The following LSG1 variants were observed in gnomAD, a reference collection of about 807,000 sequenced individuals.
The protein encoded by LSG1 is large subunit GTPase 1 homolog.
A neutral mutation model predicts 82.6 loss-of-function variants in LSG1; 55 were observed. The observed-to-expected ratio is 0.67, with a 90% CI of 0.54 to 0.83. The LOEUF is 0.83. Among genes scored for constraint, LSG1 ranks in the 40% least tolerant of loss-of-function variants. The pLI is 0.00. For synonymous variants in LSG1, 272 were observed against 282.5 expected, an observed-to-expected ratio of 0.96 and a Z score of 0.37; for missense variants, 809 against 807.9, an observed-to-expected ratio of 1.00 and a Z score of -0.02.
In LSG1 at chr3:194,666,660, A is replaced by T. The variant is rs779055924; in HGVS notation, c.227-88T>A. 6.1e-4 allele frequency: 669 copies of T among 1,090,772 alleles called. 1 individual carries two copies. The highest frequency in any genetic ancestry group is 8.2e-4 in the Non-Finnish European group (622 of 754,754). 67.6% of individuals were successfully genotyped at this position (1,090,772 alleles called of 1,614,324 possible). ...TACTGATAAACTGAGAAAACTAAAA[A>T]TGAGAGCCTAAGAGAACTTAAGATT... is the stretch of plus-strand genomic sequence containing the variant. On this transcript the variant is annotated intron_variant, in intron 2 of 13. Coordinates refer to ENST00000265245, the MANE Select transcript of LSG1 (RefSeq NM_018385.3).
chr3:194,662,039 C>T (rs755568504), intron 5 of LSG1, among the ~76,000 whole-genome samples: 10 of 152,202 alleles, frequency 6.6e-5, no homozygotes, highest in Non-Finnish European at 1.2e-4. Flanking sequence ...AGAGAAAGAA[C>T]AGCAGCAACC....
Position 194,659,148 on chromosome 3 carries a change from G to C in LSG1, c.583-15C>G. The C allele has an allele frequency of 6.2e-7, 1 of 1,600,664 alleles. No individual in the cohort carries two copies. Among genetic ancestry groups the C allele is most frequent in the South Asian group, 1.1e-5 (1 of 90,104 alleles). On this transcript the variant is annotated splice_polypyrimidine_tract_variant and intron_variant, in intron 6 of 13. Coordinates refer to ENST00000265245, the MANE Select transcript of LSG1 (RefSeq NM_018385.3). The stretch of plus-strand genomic sequence containing the variant: ...ACATAACATTCCTAAGCAAGACAAA[G>C]AGATTTAGAAAGACCTCTTCAAACA...
Position 194,666,267 on chromosome 3 carries a change from T to C in LSG1, c.370A>G (p.Thr124Ala). 3 of 1,614,160 alleles carry C rather than the reference T, an allele frequency of 1.9e-6. No homozygotes were observed. The highest frequency in any genetic ancestry group is 1.7e-6 in the Non-Finnish European group (2 of 1,180,028). The change falls in exon 4 of 14, where the codon ACC becomes GCC. Residue 124 changes from threonine (T) to alanine (A), a missense_variant. Transcript: ENST00000265245. Reference sequence around the variant, plus strand: ...TCTGCTTGTTTGAGTTCTTCTGGGGTAGTATTTTGGTTCCAGTTTGGTCTG... The same window carrying C: ...TCTGCTTGTTTGAGTTCTTCTGGGGCAGTATTTTGGTTCCAGTTTGGTCTG... ...PRRPNWNQNT[T>A]PEELKQAEKD...
intron 12 of LSG1, chr3:194,645,535 G>GACAGACAC (rs1718513900): frequency 2.9e-5 from 1 of 34,962 alleles, no homozygotes; most frequent in African/African-American, 9.6e-5. Flanking sequence ...CACACAGACA[G>GACAGACAC]ACACACACAC....
chr3:194,665,213 C>G (rs1288010914), intron 5 of LSG1, among the ~76,000 whole-genome samples: 1 of 152,224 alleles, frequency 6.6e-6, no homozygotes, highest in Non-Finnish European at 1.5e-5. Context: ...CTCCCCATAA[C>G]ATAGATGCTC....
At chr3:194,645,575 G>GACACACACACACACACACAC (rs57272537) in intron 12 of LSG1, among the ~76,000 whole-genome samples, 7 of 20,130 alleles carry the variant, frequency 3.5e-4, no homozygotes, top group Non-Finnish European at 6.4e-4. Flanking sequence ...CACACAGACA[G>GACACACACACACACACACAC]ACACACACAC....
At chr3:194,662,631 G>A (rs1004346443) in intron 5 of LSG1, among the ~76,000 whole-genome samples, 6 of 152,104 alleles carry the variant, frequency 3.9e-5, no homozygotes, top group East Asian at 1.9e-4. Context: ...GCGTGGTGGC[G>A]CGTGCCTGTA....
chr3:194,666,641 T>TA, intron 2 of LSG1, 69 bp from the exon 3 acceptor site: 1 of 1,343,866 alleles, frequency 7.4e-7, no homozygotes, highest in Non-Finnish European at 1.0e-6. Flanking sequence ...GTCATACTGA[T>TA]AAACTGAGAA....
At chr3:194,644,938 T>C (rs1418501422) in intron 12 of LSG1, 192 bp from the exon 13 acceptor site, 1 of 416,066 alleles carries the variant, frequency 2.4e-6, no homozygotes. Context: ...TCTAGAGACC[T>C]AGCTCTTCCC....
In LSG1 at chr3:194,652,830, G is replaced by A; in HGVS notation, c.1072C>T (p.His358Tyr). 6.2e-7 allele frequency: 1 copy of A among 1,614,138 alleles called. No homozygotes were observed. The highest frequency in any genetic ancestry group is 8.5e-7 in the Non-Finnish European group (1 of 1,180,028). The change falls in exon 8 of 14, where the codon CAC (histidine) becomes TAC (tyrosine). Residue 358 changes from histidine (H) to tyrosine (Y), a missense_variant. Coordinates refer to ENST00000265245, the MANE Select transcript of LSG1 (RefSeq NM_018385.3). ...TTGGATACCAGATGGCTAAAATTGT[G>A]TATCTGCCTCTTCTGTGGGGTTTTC... Reference protein sequence around the residue: ...SRKTPQKRQIHNFSHLVSKQE... With the variant: ...SRKTPQKRQIYNFSHLVSKQE...
chr3:194,670,114 CA>C lies in LSG1; in HGVS notation c.120del (p.Asn40LysfsTer14). ...TTAAGACGACCCCAATCATAGCCAT[CA>C]TTGAGTTCACTTGTGTGCAACTATG... The part of the protein sequence containing the change: ...TDSWLHTSEL[N>X]DGYDWGRLNL... On this transcript the variant is annotated frameshift_variant, in exon 2 of 14. Coordinates refer to ENST00000265245, the MANE Select transcript of LSG1 (RefSeq NM_018385.3). LOFTEE classifies it high-confidence loss of function. 1 of 1,607,780 alleles carries C rather than the reference CA, an allele frequency of 6.2e-7. No individual in the cohort carries two copies. Among genetic ancestry groups the C allele is most frequent in the Non-Finnish European group, 8.5e-7 (1 of 1,178,224 alleles).
rs1488536196 is a variant in LSG1, at chr3:194,652,772, T to C, written c.1130A>G (p.His377Arg). Residue 377 changes from histidine (H) to arginine (R), a missense_variant, in exon 8 of 14, where the codon CAC becomes CGC. Physicochemically the swap from His to Arg is conservative, Grantham distance 29 (BLOSUM62 0). Transcript: ENST00000265245. Reference sequence around the variant, plus strand: ...CCCATCTTTCACCTTTCTCCCAGTGTGTAGCTCCTTAAAGAGCTCCAGTAA... The same window carrying C: ...CCCATCTTTCACCTTTCTCCCAGTGCGTAGCTCCTTAAAGAGCTCCAGTAA... ...QELLELFKEL[H>R]TGRKVKDGQL... The C allele has an allele frequency of 1.2e-6, 2 of 1,614,196 alleles. No individual in the cohort carries two copies. Among genetic ancestry groups the C allele is most frequent in the Non-Finnish European group, 8.5e-7 (1 of 1,180,032 alleles).
At chr3:194,661,681 G>A (rs2108620454) in intron 5 of LSG1, among the ~76,000 whole-genome samples, 1 of 152,246 alleles carries the variant, frequency 6.6e-6, no homozygotes, top group East Asian at 1.9e-4. Flanking sequence ...GACATCTGCT[G>A]TGGAGAAGAC....
intron 13 of LSG1, among the ~76,000 whole-genome samples, chr3:194,642,937 T>C (rs1705903343): frequency 2.0e-5 from 3 of 152,224 alleles, no homozygotes; most frequent in Admixed American, 1.3e-4. Flanking sequence ...GGTAACTCAG[T>C]CTCTTTGAGC....
chr3:194,652,053 G>A (rs542333504), intron 8 of LSG1, among the ~76,000 whole-genome samples: 63 of 152,264 alleles, frequency 4.1e-4, no homozygotes, highest in African/African-American at 1.5e-3. Flanking sequence ...CTGAAAAGCT[G>A]GGAGACTTTA....
intron 11 of LSG1, among the ~76,000 whole-genome samples, chr3:194,647,390 T>C (rs1464007940): frequency 6.6e-6 from 1 of 152,238 alleles, no homozygotes; most frequent in Non-Finnish European, 1.5e-5. Flanking sequence ...GAAAATGTGA[T>C]TCCCAGAAGA....
chr3:194,656,237 T>G (rs1351446310), intron 7 of LSG1, among the ~76,000 whole-genome samples: 1 of 149,942 alleles, frequency 6.7e-6, no homozygotes, highest in Non-Finnish European at 1.5e-5. Flanking sequence ...GGAGAAAATT[T>G]TTGCAACCTA....
chr3:194,671,906 G>A (rs1719145367), intron 1 of LSG1, 158 bp downstream of exon 1: 2 of 694,412 alleles, frequency 2.9e-6, no homozygotes, highest in Non-Finnish European at 5.1e-6. Flanking sequence ...GCCTTGCCAG[G>A]AGGAGGGCCT....
chr3:194,668,895 C>T (rs1719085641), intron 2 of LSG1, among the ~76,000 whole-genome samples: 1 of 138,616 alleles, frequency 7.2e-6, no homozygotes, highest in Non-Finnish European at 1.6e-5. Context: ...GAAATGTTGA[C>T]ACTTGTGACA....
Sources: allele counts gnomAD v4.1 joint callset (sites outside exome capture counted in the v4.1 genomes callset), GRCh38; gene constraint gnomAD v4.1.1; transcripts MANE v1.5; gene names NCBI Gene and HGNC (gene_info 2026-07-23, HGNC 2026-07-21).